Variants in TMEM168 observed in about 807,000 individuals in gnomAD.
TMEM168 encodes the protein transmembrane protein 168.
A neutral mutation model predicts 53.2 loss-of-function variants in TMEM168; 40 were observed. The observed-to-expected ratio is 0.75, with a 90% confidence interval of 0.58 to 0.98. TMEM168 has a LOEUF of 0.98. Among genes scored for constraint, TMEM168 ranks in the 50% least tolerant of loss-of-function variants. The pLI is 0.00. For synonymous variants in TMEM168, 282 were observed against 293.0 expected (o/e 0.96, Z 0.38); for missense variants, 771 against 828.8 (o/e 0.93, Z 0.86).
intron 3 of TMEM168, among the ~76,000 whole-genome samples, chr7:112,774,243 T>C (rs1282896367): frequency 6.6e-6 from 1 of 152,214 alleles, no homozygotes; most frequent in African/African-American, 2.4e-5. Context: ...TCACCACCTT[T>C]GTGGGTAAAA....
intron 2 of TMEM168, among the ~76,000 whole-genome samples, chr7:112,783,456 A>T (rs192081797): frequency 6.6e-6 from 1 of 152,370 alleles, no homozygotes; most frequent in Admixed American, 6.5e-5. Flanking sequence ...ACTAATGAAC[A>T]GTCAGGAAGC....
intron 1 of TMEM168, among the ~76,000 whole-genome samples, chr7:112,786,701 T>C (rs1793389376): frequency 6.6e-6 from 1 of 152,192 alleles, no homozygotes; most frequent in Non-Finnish European, 1.5e-5. Context: ...GGGCTCAGAC[T>C]ACTGAACACT....
At chr7:112,776,928 A>C (rs912700150) in intron 2 of TMEM168, among the ~76,000 whole-genome samples, 1 of 152,062 alleles carries the variant, frequency 6.6e-6, no homozygotes, top group African/African-American at 2.4e-5. Context: ...CATTACACCA[A>C]AACTAGAATA....
chr7:112,786,871 T>C (rs528151071), intron 1 of TMEM168, among the ~76,000 whole-genome samples: 2 of 152,238 alleles, frequency 1.3e-5, no homozygotes, highest in Admixed American at 1.3e-4. Flanking sequence ...CCTACTGCAT[T>C]CTCACCAGAT....
Position 112,765,302 on chromosome 7 carries a change from T to G in TMEM168, c.*1895A>C, listed in dbSNP as rs917885285. The G allele has an allele frequency of 6.6e-6, 1 of 152,196 alleles. No homozygotes were observed. Among genetic ancestry groups the G allele is most frequent in the Non-Finnish European group, 1.5e-5 (1 of 68,018 alleles). The allele number at this position is 152,196 out of a possible 1,614,324, so 9.4% of individuals were successfully genotyped here. A position where few individuals can be genotyped will look rare whatever the true frequency, so the allele number is the denominator to read the frequency against. On this transcript the variant is annotated 3_prime_UTR_variant, in exon 5 of 5. Transcript: ENST00000312814. ...GTTTTACTTTCACAGGAAATACATA[T>G]GAAAAAGTTAGGTTTGTGGCTGTCA...
chr7:112,782,357 A>C (rs1359195475), intron 2 of TMEM168, among the ~76,000 whole-genome samples: 1 of 152,208 alleles, frequency 6.6e-6, no homozygotes. Flanking sequence ...GGAGACCAAG[A>C]AAATATTCAT....
At chr7:112,780,203 T>C (rs527644840) in intron 2 of TMEM168, among the ~76,000 whole-genome samples, 159 of 152,362 alleles carry the variant, frequency 1.0e-3, no homozygotes, top group Non-Finnish European at 1.9e-3. Context: ...AATAAGTTAA[T>C]TAACCTTTTG....
Position 112,766,266 on chromosome 7 carries a change from A to G in TMEM168, c.*931T>C, listed in dbSNP as rs1792775539. ...TCCTCTGACCTTCAGTAGAAAAAAA[A>G]TGTTATCACTAACAAGGATCAGAAA... On this transcript the variant is annotated 3_prime_UTR_variant, in exon 5 of 5. Transcript: ENST00000312814. 1 of 152,442 alleles carries G rather than the reference A, an allele frequency of 6.6e-6. No homozygotes were observed. The allele number at this position is 152,442 out of a possible 1,614,324, so 9.4% of individuals were successfully genotyped here.
intron 4 of TMEM168, among the ~76,000 whole-genome samples, chr7:112,769,169 T>C (rs942175295): frequency 1.3e-5 from 2 of 152,206 alleles, no homozygotes; most frequent in African/African-American, 4.8e-5. Context: ...TCTATCATAT[T>C]CTTTATGTGT....
At position 112,784,058 on chromosome 7, in the gene TMEM168, C is replaced by T; in HGVS notation, c.768G>A (p.Leu256=). The part of the protein sequence containing the change: ...LSVTERWKPF[L]YRGRICRRLS... ...GTCTTCTGCAAATTCTTCCACGGTA[C>T]AAAAAGGGTTTCCATCTTTCAGTTA... Residue 256 remains leucine, a synonymous_variant, in exon 2 of 5, where the codon TTG becomes TTA. Coordinates refer to ENST00000312814, the MANE Select transcript of TMEM168 (RefSeq NM_022484.6). The T allele has an allele frequency of 6.2e-7, 1 of 1,611,820 alleles. No homozygotes were observed. Among genetic ancestry groups the T allele is most frequent in the South Asian group, 1.1e-5 (1 of 90,344 alleles).
At position 112,772,821 on chromosome 7, in the gene TMEM168, G is replaced by A; in HGVS notation, c.1506C>T (p.Tyr502=). 6.2e-7 allele frequency: 1 copy of A among 1,614,018 alleles called. No individual in the cohort carries two copies. The highest frequency in any genetic ancestry group is 8.5e-7 in the Non-Finnish European group (1 of 1,179,942). ...CTCCTGTACCATGGGTGTGCCCACT[G>A]TAATACAAAATATACGTATCATGTC... is the stretch of plus-strand genomic sequence containing the variant. ...GPRHDTYILY[Y]SGHTHGTGEW... Residue 502 remains tyrosine, a synonymous_variant, in exon 4 of 5, where the codon TAC becomes TAT. Transcript: ENST00000312814.
At chr7:112,768,895 T>C (rs1465130758) in intron 4 of TMEM168, among the ~76,000 whole-genome samples, 2 of 152,196 alleles carry the variant, frequency 1.3e-5, no homozygotes, top group Admixed American at 1.3e-4. Flanking sequence ...AACAAAATAT[T>C]TATAAAGAAA....
intron 2 of TMEM168, among the ~76,000 whole-genome samples, chr7:112,776,607 C>T (rs1297725367): frequency 2.6e-5 from 4 of 151,936 alleles, no homozygotes; most frequent in Admixed American, 1.3e-4. Flanking sequence ...ACAGTACATG[C>T]TCCATTTAAA....
intron 2 of TMEM168, 130 bp downstream of exon 2, chr7:112,783,568 G>C (rs1793286846): frequency 1.0e-6 from 1 of 992,054 alleles, no homozygotes; most frequent in Non-Finnish European, 1.4e-6. Flanking sequence ...TCAATTCCAT[G>C]AACAAAATTA....
In TMEM168 at chr7:112,765,577, A is replaced by G. The variant is rs1009643782; in HGVS notation, c.*1620T>C. The G allele has an allele frequency of 1.3e-5, 2 of 152,164 alleles. No individual in the cohort carries two copies. The highest frequency in any genetic ancestry group is 2.9e-5 in the Non-Finnish European group (2 of 68,016). The allele number at this position is 152,164 out of a possible 1,614,324, so 9.4% of individuals were successfully genotyped here. A position where few individuals can be genotyped will look rare whatever the true frequency, so the allele number is the denominator to read the frequency against. ...TACTGCTGAACAGAGCAATAAAAAA[A>G]ACTATACTATTTTATTTGGACAATA... On this transcript the variant is annotated 3_prime_UTR_variant, in exon 5 of 5. Transcript: ENST00000312814.
Position 112,783,682 on chromosome 7 carries a change from C to A in TMEM168, c.1128+16G>T. The A allele has an allele frequency of 6.9e-7, 1 of 1,452,694 alleles. No homozygotes were observed. Among genetic ancestry groups the A allele is most frequent in the Non-Finnish European group, 9.1e-7 (1 of 1,102,034 alleles). The allele number at this position is 1,452,694 out of a possible 1,614,324, so 90.0% of individuals were successfully genotyped here. A position where few individuals can be genotyped will look rare whatever the true frequency, so the allele number is the denominator to read the frequency against. ...ATTACACGTCATTGGGGTTGCTGGACAAACAATAAGCTTACCTGCCAGGAA... is the reference window on the plus strand; with the variant it reads ...ATTACACGTCATTGGGGTTGCTGGAAAAACAATAAGCTTACCTGCCAGGAA... On this transcript the variant is annotated intron_variant, in intron 2 of 4. Transcript: ENST00000312814.
At chr7:112,769,032 C>T (rs1792862391) in intron 4 of TMEM168, among the ~76,000 whole-genome samples, 1 of 152,134 alleles carries the variant, frequency 6.6e-6, no homozygotes, top group South Asian at 2.1e-4. Context: ...GACAGTTTTA[C>T]ATTGAGCATA....
At position 112,763,922 on chromosome 7, in the gene TMEM168, G is replaced by A. The variant is rs999715658; in HGVS notation, c.*3275C>T. The A allele has an allele frequency of 6.6e-5, 10 of 151,878 alleles. No individual in the cohort carries two copies. Among genetic ancestry groups the A allele is most frequent in the African/African-American group, 2.4e-4 (10 of 41,368 alleles). 9.4% of individuals were successfully genotyped at this position (151,878 alleles called of 1,614,324 possible). ...AAATGCATCTTTTCCAAAGAATTTT[G>A]AATTTATTAAGAGCAAGACAGAATT... On this transcript the variant is annotated 3_prime_UTR_variant, in exon 5 of 5. Transcript: ENST00000312814.
rs1792708147 is a variant in TMEM168 at position 112,763,735 on chromosome 7, A to G, written c.*3462T>C. On this transcript the variant is annotated 3_prime_UTR_variant, in exon 5 of 5. Transcript: ENST00000312814. The stretch of plus-strand genomic sequence containing the variant: ...ATAAAAAAGCAGTACCCAAGAGTAA[A>G]TATGTTTGAGCCCAAAATTACAAAA... The G allele has an allele frequency of 6.6e-6, 1 of 152,190 alleles. No homozygotes were observed. The highest frequency in any genetic ancestry group is 2.4e-5 in the African/African-American group (1 of 41,464). 9.4% of individuals were successfully genotyped at this position (152,190 alleles called of 1,614,324 possible).
Sources: gnomAD v4.1 joint callset for allele counts (sites outside exome capture counted in the v4.1 genomes callset) on GRCh38, gnomAD v4.1.1 for gene constraint, MANE v1.5 for transcripts, NCBI Gene and HGNC (gene_info 2026-07-23, HGNC 2026-07-21) for gene names.